The following RP1 variants were observed in gnomAD, a reference collection of about 807,000 sequenced individuals.
The protein encoded by RP1 is oxygen-regulated protein 1.
In RP1, 16 loss-of-function variants were observed where a neutral mutation model predicts 14.8. The ratio of observed to expected loss-of-function variants is 1.08; its 90% CI spans 0.73 to 1.65. The LOEUF is 1.65. RP1 is among the 40% of genes most tolerant of loss of function. The pLI, the probability that RP1 is intolerant of heterozygous loss-of-function variation, is 0.00. For synonymous variants in RP1, 876 were observed against 883.6 expected (o/e 0.99, Z 0.15); for missense variants, 2,631 against 2,535.0 (o/e 1.04, Z -0.81).
In RP1 at chr8:54,828,750, A is replaced by C. The variant is rs556228270; in HGVS notation, c.3616-8700A>C. Among the ~76,000 whole-genome samples the C allele has an allele frequency of 1.2e-4, 19 of 152,168 alleles. No homozygotes were observed. In the South Asian group the frequency reaches 2.7e-3, roughly 22 times the overall value. On this transcript the variant is annotated intron_variant, in intron 24 of 28. Coordinates refer to the RP1 transcript ENST00000637698. The stretch of plus-strand genomic sequence containing the variant: ...CAGTGCAGTAGGCTTGTTTACACCA[A>C]CATCACCACAAACACGTGAGTAATG...
intron 16 of RP1, chr8:54,726,242 A>G: frequency 7.7e-7 from 1 of 1,297,762 alleles, no homozygotes; most frequent in Non-Finnish European, 1.0e-6. Context: ...TGAAATGGAA[A>G]CAATAGCAAA....
At chr8:54,840,503 G>T (rs1811766311) in intron 25 of RP1, among the ~76,000 whole-genome samples, 1 of 151,102 alleles carries the variant, frequency 6.6e-6, no homozygotes, top group Non-Finnish European at 1.5e-5. Context: ...TCTGCCCAAG[G>T]CTGCATTATT....
chr8:54,674,483 A>G (rs934874928), intron 8 of RP1, among the ~76,000 whole-genome samples: 10 of 151,686 alleles, frequency 6.6e-5, no homozygotes, highest in African/African-American at 2.4e-4. Context: ...TCCATTTAAC[A>G]AAAGACAGAC....
intron 8 of RP1, among the ~76,000 whole-genome samples, chr8:54,677,934 A>T (rs1585599432): frequency 1.3e-5 from 2 of 152,252 alleles, no homozygotes; most frequent in East Asian, 3.9e-4. Flanking sequence ...ATTAATATGA[A>T]ATTAAACATT....
rs1430913736 is a variant in RP1 at position 54,624,755 on chromosome 8, C to T, written c.873C>T (p.Asp291=). ...EKTHNNDCYL[D]YSFVPEKYLA... is the part of the protein sequence containing the mutation. Reference sequence around the variant, plus strand: ...CACATAATAATGATTGCTACTTAGACTATTCTTTTGTTCCTGAAAAGTACT... The same window carrying T: ...CACATAATAATGATTGCTACTTAGATTATTCTTTTGTTCCTGAAAAGTACT... The change falls in exon 4 of 4, where the codon GAC becomes GAT. Residue 291 remains aspartate (D), a synonymous_variant. Transcript: ENST00000220676. 6.2e-7 allele frequency: 1 copy of T among 1,613,842 alleles called. No homozygotes were observed. The highest frequency in any genetic ancestry group is 1.7e-5 in the Admixed American group (1 of 60,024).
intron 21 of RP1, among the ~76,000 whole-genome samples, chr8:54,757,025 T>C (rs1809524791): frequency 6.6e-6 from 1 of 152,226 alleles, no homozygotes; most frequent in South Asian, 2.1e-4. Context: ...CTTTTAAGTT[T>C]AGAATCAGAG....
At chr8:54,604,707 A>G (rs926804657) in intron 1 of RP1, among the ~76,000 whole-genome samples, 2 of 152,164 alleles carry the variant, frequency 1.3e-5, no homozygotes, top group Non-Finnish European at 2.9e-5. Flanking sequence ...TTATTGCCTC[A>G]ATTTCAGAGC....
intron 1 of RP1, among the ~76,000 whole-genome samples, chr8:54,573,118 T>A (rs144378863): frequency 2.0e-5 from 3 of 152,162 alleles, no homozygotes; most frequent in African/African-American, 7.2e-5. Flanking sequence ...TTTTTGGCCA[T>A]AAAACTGTGC....
At chr8:54,649,511 G>A (rs421469) in intron 4 of RP1, among the ~76,000 whole-genome samples, 33,540 of 152,134 alleles carry the variant, frequency 0.22, 4,281 homozygotes, top group East Asian at 0.42. Flanking sequence ...TTAATTACTG[G>A]TTTTTATTAG....
intron 12 of RP1, among the ~76,000 whole-genome samples, chr8:54,690,733 AG>A (rs1338067669): frequency 6.6e-6 from 1 of 152,080 alleles, no homozygotes; most frequent in African/African-American, 2.4e-5. Context: ...GCAGCAAATC[AG>A]GGCTATTTGT....
intron 1 of RP1, among the ~76,000 whole-genome samples, chr8:54,609,074 G>A (rs148871799): frequency 1.7e-3 from 256 of 152,330 alleles, no homozygotes; most frequent in Middle Eastern, 3.4e-3. Context: ...ATGGATAGAT[G>A]TCAGGGAAAA....
rs192401322 is a variant in RP1 at position 54,819,285 on chromosome 8, A to G, written c.3616-18165A>G. 1.6e-4 allele frequency among the ~76,000 whole-genome samples: 25 copies of G among 151,914 alleles called. No individual in the cohort carries two copies. In the East Asian group the frequency reaches 4.9e-3, roughly 30 times the overall value. Reference sequence around the variant, plus strand: ...TTTCAGTATGCCACTTGCATTTTTCAGCTCCAGAATTTTTGCTTGATCTTT... The same window carrying G: ...TTTCAGTATGCCACTTGCATTTTTCGGCTCCAGAATTTTTGCTTGATCTTT... On this transcript the variant is annotated intron_variant, in intron 24 of 28. Coordinates refer to the RP1 transcript ENST00000637698.
chr8:54,791,077 G>T (rs1485686263), intron 24 of RP1, among the ~76,000 whole-genome samples: 1 of 152,086 alleles, frequency 6.6e-6, no homozygotes, highest in Non-Finnish European at 1.5e-5. Flanking sequence ...AAAAATGAAA[G>T]ACAAAGAGAA....
At chr8:54,806,924 T>A (rs2129391423) in intron 24 of RP1, among the ~76,000 whole-genome samples, 1 of 152,330 alleles carries the variant, frequency 6.6e-6, no homozygotes, top group African/African-American at 2.4e-5. Flanking sequence ...TCAGTTTAAG[T>A]CACGTTTCTC....
At chr8:54,589,402 GAAT>G (rs1445176601) in intron 1 of RP1, among the ~76,000 whole-genome samples, 1 of 151,998 alleles carries the variant, frequency 6.6e-6, no homozygotes, top group East Asian at 1.9e-4. Context: ...CAGACTCTTG[GAAT>G]ATAATGGTTT....
chr8:54,790,914 A>G (rs1371550687), intron 24 of RP1, among the ~76,000 whole-genome samples: 2 of 152,200 alleles, frequency 1.3e-5, no homozygotes, highest in Non-Finnish European at 2.9e-5. Flanking sequence ...GAAGAAGGAA[A>G]GATAGGGACA....
At chr8:54,667,284 A>T (rs1807039919) in intron 7 of RP1, among the ~76,000 whole-genome samples, 2 of 152,064 alleles carry the variant, frequency 1.3e-5, no homozygotes, top group African/African-American at 4.8e-5. Context: ...CAACAGGATA[A>T]CTAAAGGACA....
At chr8:54,801,042 T>C (rs1007752345) in intron 24 of RP1, among the ~76,000 whole-genome samples, 4 of 152,220 alleles carry the variant, frequency 2.6e-5, no homozygotes, top group Non-Finnish European at 5.9e-5. Flanking sequence ...TTTGTACTAA[T>C]GTAACCATTA....
chr8:54,836,463 C>T (rs1468015188), intron 24 of RP1, among the ~76,000 whole-genome samples: 1 of 152,186 alleles, frequency 6.6e-6, no homozygotes, highest in Non-Finnish European at 1.5e-5. Flanking sequence ...CTAAGTTATA[C>T]ATGCCTCTAA....
Sources: gnomAD v4.1 joint callset for allele counts (sites outside exome capture counted in the v4.1 genomes callset) on GRCh38, gnomAD v4.1.1 for gene constraint, MANE v1.5 for transcripts, NCBI Gene and HGNC (gene_info 2026-07-23, HGNC 2026-07-21) for gene names.